Variants in ANKRD11 observed in about 807,000 individuals in gnomAD.
The protein encoded by ANKRD11 is ankyrin repeat domain-containing protein 11.
ANKRD11 carries 17 observed loss-of-function variants against 195.7 expected under a neutral mutation model. That is an observed-to-expected ratio of 0.09 (90% confidence interval 0.06 to 0.13). The LOEUF (loss-of-function observed/expected upper bound fraction) is 0.13, where lower values mean the gene tolerates loss of function less well. Ranked by LOEUF, ANKRD11 falls within the 10% of genes least tolerant of loss-of-function variation. The probability of loss-of-function intolerance (pLI) is 1.00; values close to 1 mark genes in which losing one functional copy is unlikely to be tolerated. For missense variants in ANKRD11, 3,735 were observed against 3,566.1 expected (o/e 1.05, Z -1.21); for synonymous variants, 1,953 against 1,528.1 (o/e 1.28, Z -6.49).
At chr16:89,380,961 C>G (rs552330602) in intron 2 of ANKRD11, among the ~76,000 whole-genome samples, 1 of 152,258 alleles carries the variant, frequency 6.6e-6, no homozygotes, top group Admixed American at 6.5e-5. Context: ...GCCCACTCTG[C>G]TGGGCAAGGT....
rs1346611908 is a variant in ANKRD11, at chr16:89,280,264, T to A, written c.6278A>T (p.Glu2093Val). The change falls in exon 9 of 13, where the codon GAG becomes GTG. Residue 2093 changes from glutamate to valine, a missense_variant. Glu to Val is a moderately radical substitution (Grantham distance 121). Transcript: ENST00000301030. ...GCTATTTTCCAGGGGCCCCAGAGCC[T>A]CCACCTGAGCCACAGCGGCTACACA... The part of the protein sequence containing the change: ...PACVAAVAQV[E>V]ALGPLENSFL... 6.2e-7 allele frequency: 1 copy of A among 1,608,872 alleles called. No individual in the cohort carries two copies. Among genetic ancestry groups the A allele is most frequent in the East Asian group, 2.2e-5 (1 of 44,832 alleles).
intron 2 of ANKRD11, among the ~76,000 whole-genome samples, chr16:89,356,577 C>T (rs979123746): frequency 1.3e-5 from 2 of 150,296 alleles, no homozygotes; most frequent in African/African-American, 4.9e-5. Context: ...CGAGACCATC[C>T]TGGCTAACAC....
intron 3 of ANKRD11, 27 bp downstream of exon 3, chr16:89,316,906 T>C (rs1222024922): frequency 1.9e-6 from 3 of 1,609,620 alleles, no homozygotes; most frequent in Non-Finnish European, 2.5e-6. Context: ...GCGGTGAGCA[T>C]GCAGGGCTGG....
At chr16:89,383,218 C>A (rs2040742413) in intron 2 of ANKRD11, among the ~76,000 whole-genome samples, 1 of 152,162 alleles carries the variant, frequency 6.6e-6, no homozygotes, top group African/African-American at 2.4e-5. Context: ...GAGGGAGGAG[C>A]CACAAGAGCA....
chr16:89,352,579 G>A (rs529225878), intron 2 of ANKRD11, among the ~76,000 whole-genome samples: 6 of 152,226 alleles, frequency 3.9e-5, no homozygotes, highest in East Asian at 1.9e-4. Flanking sequence ...ACTTCCTCTC[G>A]CCCTGGCCCA....
At chr16:89,299,235 G>C (rs553711110) in intron 4 of ANKRD11, 91 of 173,896 alleles carry the variant, frequency 5.2e-4, no homozygotes, top group Non-Finnish European at 9.0e-4. Context: ...AGTGACTGTG[G>C]CTCTGGTCCT....
chr16:89,281,031 CG>C lies in ANKRD11; in HGVS notation c.5510del (p.Pro1837ArgfsTer126). 1.3e-6 allele frequency: 2 copies of C among 1,597,248 alleles called. No individual in the cohort carries two copies. Among genetic ancestry groups the C allele is most frequent in the Non-Finnish European group, 1.7e-6 (2 of 1,170,020 alleles). On this transcript the variant is annotated frameshift_variant, in exon 9 of 13. Coordinates refer to ENST00000301030, the MANE Select transcript of ANKRD11 (RefSeq NM_013275.6). LOFTEE classifies it high-confidence loss of function. This position sits in a 1 kb window ranked among gnomAD's most constrained non-coding sequence, Gnocchi z 5.5. ...PSMEDRAPLP[P>X]VPAEKFACLS... ...AGCAGGCAAACTTCTCCGCGGGAAC[CG>C]GGGGCAGGGGCGCCCTGTCTTCCAT...
At chr16:89,486,531 G>A (rs941914835) in intron 1 of ANKRD11, among the ~76,000 whole-genome samples, 10 of 152,044 alleles carry the variant, frequency 6.6e-5, no homozygotes, top group African/African-American at 2.4e-4. Flanking sequence ...TGGAGTTTGG[G>A]GGGATCTGCA....
At chr16:89,329,757 C>T (rs1043857115) in intron 2 of ANKRD11, among the ~76,000 whole-genome samples, 2 of 152,062 alleles carry the variant, frequency 1.3e-5, no homozygotes, top group African/African-American at 2.4e-5. Context: ...GCAGTGAATC[C>T]CAGCAGTCTG....
chr16:89,434,813 G>C (rs139809167), intron 1 of ANKRD11, among the ~76,000 whole-genome samples: 3 of 152,342 alleles, frequency 2.0e-5, no homozygotes, highest in African/African-American at 7.2e-5. Flanking sequence ...GGATGGAGAC[G>C]CGGCGAGGAC....
At chr16:89,275,813 TGGAAGTGAATGA>T (rs1167547770) in intron 9 of ANKRD11, among the ~76,000 whole-genome samples, 6 of 151,958 alleles carry the variant, frequency 3.9e-5, no homozygotes, top group African/African-American at 1.5e-4. Context: ...ACATGCATGC[TGGAAGTGAATGA>T]GGAAGTAAAG....
chr16:89,488,420 G>A (rs1430790081), intron 1 of ANKRD11, among the ~76,000 whole-genome samples: 2 of 151,542 alleles, frequency 1.3e-5, no homozygotes, highest in African/African-American at 4.9e-5. Context: ...GGGTCACAAT[G>A]AAGGCTGAGC....
At position 89,314,156 on chromosome 16, in the gene ANKRD11, T is replaced by TG. The variant is rs2036794867; in HGVS notation, c.87+2776dup. ...GGAGGACTGCTTGAGCCTGGGGCAG[T>TG]GGGGCAGGGTGGGGGGTTATGGAGG... is the stretch of plus-strand genomic sequence containing the variant. On this transcript the variant is annotated intron_variant, in intron 3 of 12. Transcript: ENST00000301030. 7.2e-5 allele frequency among the ~76,000 whole-genome samples: 11 copies of TG among 151,800 alleles called. 1 individual carries two copies. In the South Asian group the frequency reaches 1.9e-3, roughly 26 times the overall value.
Position 89,414,121 on chromosome 16 carries a change from C to T in ANKRD11, c.-60+4163G>A, listed in dbSNP as rs566684506. Among the ~76,000 whole-genome samples, 5 of 152,344 alleles carry T rather than the reference C, an allele frequency of 3.3e-5. No individual in the cohort carries two copies. In the South Asian group the frequency reaches 1.0e-3, roughly 32 times the overall value. On this transcript the variant is annotated intron_variant, in intron 2 of 12. Coordinates refer to ENST00000301030, the MANE Select transcript of ANKRD11 (RefSeq NM_013275.6). ...ACTCGGGGACACTGAGGCGCACGAT[C>T]GCACCTGCCTTACAAGTTCAACATT...
intron 2 of ANKRD11, among the ~76,000 whole-genome samples, chr16:89,327,314 T>G (rs1478378628): frequency 6.6e-6 from 1 of 151,936 alleles, no homozygotes; most frequent in African/African-American, 2.4e-5. Flanking sequence ...AGAAACATCC[T>G]CAACACGATA....
At chr16:89,473,082 C>T (rs1206559531) in intron 1 of ANKRD11, among the ~76,000 whole-genome samples, 1 of 151,938 alleles carries the variant, frequency 6.6e-6, no homozygotes, top group Non-Finnish European at 1.5e-5. Flanking sequence ...TCCCAGCTAC[C>T]CAGGACAGCT....
At chr16:89,365,700 C>T (rs1290096316) in intron 2 of ANKRD11, among the ~76,000 whole-genome samples, 4 of 152,134 alleles carry the variant, frequency 2.6e-5, no homozygotes, top group Non-Finnish European at 5.9e-5. Context: ...GTGGTCTCTC[C>T]GCAGAAACCC....
chr16:89,341,646 G>A (rs1208728674), intron 2 of ANKRD11, among the ~76,000 whole-genome samples: 1 of 152,198 alleles, frequency 6.6e-6, no homozygotes, highest in East Asian at 1.9e-4. Flanking sequence ...GTTAACACTG[G>A]GAGCAATGCC....
At chr16:89,353,200 T>C (rs1293945303) in intron 2 of ANKRD11, among the ~76,000 whole-genome samples, 1 of 151,826 alleles carries the variant, frequency 6.6e-6, no homozygotes, top group Non-Finnish European at 1.5e-5. Context: ...AAATTAGCCG[T>C]GCATGGTGGC....
Sources: gnomAD v4.1 joint callset for allele counts (sites outside exome capture counted in the v4.1 genomes callset) on GRCh38, gnomAD v4.1.1 for gene constraint, Gnocchi (gnomAD v3.1) non-coding constraint, MANE v1.5 for transcripts, NCBI Gene and HGNC (gene_info 2026-07-23, HGNC 2026-07-21) for gene names.